The following CDC42BPA variants were observed in gnomAD, a reference collection of about 807,000 sequenced individuals.
The protein encoded by CDC42BPA is CDC42 binding protein kinase alpha, also known as serine/threonine-protein kinase MRCK alpha.
A neutral mutation model predicts 223.5 loss-of-function variants in CDC42BPA; 80 were observed. The observed-to-expected ratio is 0.36, with a 90% CI of 0.30 to 0.43. The LOEUF is 0.43. Ranked by LOEUF, CDC42BPA falls within the 20% of genes least tolerant of loss-of-function variation. The probability of loss-of-function intolerance (pLI) is 1.00; values close to 1 mark genes in which losing one functional copy is unlikely to be tolerated. For synonymous variants in CDC42BPA, 694 were observed against 718.6 expected (o/e 0.97, Z 0.55); for missense variants, 1,743 against 2,099.9 (o/e 0.83, Z 3.32).
At chr1:227,162,859 TAA>T (rs373835414) in intron 5 of CDC42BPA, among the ~76,000 whole-genome samples, 13,218 of 125,256 alleles carry the variant, frequency 0.11, 825 homozygotes, top group Middle Eastern at 0.17. Flanking sequence ...TAAAATAAAA[TAA>T]ATATATATGT....
chr1:227,266,840 TTTAAG>T (rs1311414651), intron 1 of CDC42BPA, among the ~76,000 whole-genome samples: 1 of 152,222 alleles, frequency 6.6e-6, no homozygotes, highest in East Asian at 1.9e-4. Flanking sequence ...AACAAAATAA[TTTAAG>T]TTATGTGACC....
intron 1 of CDC42BPA, among the ~76,000 whole-genome samples, chr1:227,303,007 GTT>G (rs201889285): frequency 1.1e-4 from 15 of 135,008 alleles, no homozygotes; most frequent in East Asian, 2.1e-4. Flanking sequence ...GTTTTTTTGG[GTT>G]TTTTTTTTTT....
intron 32 of CDC42BPA, among the ~76,000 whole-genome samples, chr1:227,021,924 G>T (rs1024770548): frequency 6.6e-6 from 1 of 152,046 alleles, no homozygotes; most frequent in Non-Finnish European, 1.5e-5. Context: ...GGAGGCTGAG[G>T]CAGGAGAATC....
At chr1:226,997,785 T>C (rs1169372041) in intron 35 of CDC42BPA, among the ~76,000 whole-genome samples, 1 of 152,200 alleles carries the variant, frequency 6.6e-6, no homozygotes, top group Non-Finnish European at 1.5e-5. Context: ...TAATCCTGAG[T>C]TCTAATTTGA....
chr1:227,137,547 A>G (rs187159847), intron 10 of CDC42BPA, among the ~76,000 whole-genome samples: 68 of 152,218 alleles, frequency 4.5e-4, no homozygotes, highest in African/African-American at 1.6e-3. Flanking sequence ...GACCACCAAA[A>G]TAAATAGATA....
intron 15 of CDC42BPA, among the ~76,000 whole-genome samples, chr1:227,093,036 C>A (rs4653790): frequency 0.83 from 126,276 of 152,162 alleles, 52,448 homozygotes; most frequent in East Asian, 0.88. Flanking sequence ...TTATCCCTAC[C>A]ATGTCTCCTT....
At position 227,063,795 on chromosome 1, in the gene CDC42BPA, A is replaced by G. The variant is rs16846909; in HGVS notation, c.2904+5982T>C. On this transcript the variant is annotated intron_variant, in intron 21 of 36. Transcript: ENST00000366766. ...TACCAATTCTCACATACAATTGACCATTCCCCCAAGTATCGCTGAAACTAT... is the reference window on the plus strand; with the variant it reads ...TACCAATTCTCACATACAATTGACCGTTCCCCCAAGTATCGCTGAAACTAT... Among the ~76,000 whole-genome samples, 413 of 152,292 alleles carry G rather than the reference A, an allele frequency of 2.7e-3. 12 individuals are homozygous for G. The East Asian group carries it at 0.052, about 19-fold the overall frequency.
rs1174191589 is a variant in CDC42BPA at position 227,276,143 on chromosome 1, G to A, written c.179-21988C>T. Reference sequence around the variant, plus strand: ...AGCGCCTCTTCCCGGCCGCCATCACGTCTAGGAAGTGAGGAGCGTCTCTGC... The same window carrying A: ...AGCGCCTCTTCCCGGCCGCCATCACATCTAGGAAGTGAGGAGCGTCTCTGC... On this transcript the variant is annotated intron_variant, in intron 1 of 36. Transcript: ENST00000366766. Among the ~76,000 whole-genome samples the A allele has an allele frequency of 6.6e-5, 10 of 150,772 alleles. No individual in the cohort carries two copies. In the South Asian group the frequency reaches 1.7e-3, roughly 25 times the overall value.
chr1:227,221,971 T>A (rs1037154694), intron 2 of CDC42BPA, among the ~76,000 whole-genome samples: 2 of 149,762 alleles, frequency 1.3e-5, no homozygotes, highest in Non-Finnish European at 3.0e-5. Flanking sequence ...TCTCAGCACT[T>A]TGGGAGGCTG....
At chr1:227,241,833 A>C (rs1010327702) in intron 2 of CDC42BPA, among the ~76,000 whole-genome samples, 15 of 152,264 alleles carry the variant, frequency 9.9e-5, no homozygotes, top group African/African-American at 3.4e-4. Context: ...ACAAACAACA[A>C]AAAGATTTTG....
chr1:227,179,480 CA>C (rs1255305215), intron 5 of CDC42BPA, among the ~76,000 whole-genome samples: 1 of 150,952 alleles, frequency 6.6e-6, no homozygotes, highest in East Asian at 2.0e-4. Flanking sequence ...ACTAAAAATA[CA>C]AAAAATTAGC....
At chr1:227,088,223 AAGGGTACACCTT>A (rs1682361539) in intron 16 of CDC42BPA, among the ~76,000 whole-genome samples, 2 of 152,222 alleles carry the variant, frequency 1.3e-5, no homozygotes, top group African/African-American at 4.8e-5. Flanking sequence ...GCAAGAACAA[AAGGGTACACCTT>A]AGAGAGTTAT....
chr1:227,070,600 T>TTATCAGGTAAGGCAGTATGTTC (rs1678096762), intron 20 of CDC42BPA, among the ~76,000 whole-genome samples: 1 of 151,872 alleles, frequency 6.6e-6, no homozygotes, highest in Non-Finnish European at 1.5e-5. Context: ...TATAACACAG[T>TTATCAGGTAAGGCAGTATGTTC]TATCAGGTAA....
intron 21 of CDC42BPA, 52 bp from the exon 22 acceptor site, chr1:227,052,037 A>C: frequency 8.9e-7 from 1 of 1,125,930 alleles, no homozygotes. Flanking sequence ...CTTTTCAACA[A>C]TGTGCAGGCT....
At chr1:226,998,481 A>C (rs1216018903) in intron 35 of CDC42BPA, among the ~76,000 whole-genome samples, 1 of 152,212 alleles carries the variant, frequency 6.6e-6, no homozygotes, top group African/African-American at 2.4e-5. Context: ...AGGCCTCAGA[A>C]GTAATGCCAC....
chr1:227,000,505 G>T (rs937569241), intron 35 of CDC42BPA, among the ~76,000 whole-genome samples: 4 of 152,132 alleles, frequency 2.6e-5, no homozygotes, highest in African/African-American at 7.2e-5. Flanking sequence ...GTGACCTTAA[G>T]CAAGTTATTT....
intron 5 of CDC42BPA, among the ~76,000 whole-genome samples, chr1:227,191,165 G>C (rs1669636605): frequency 6.6e-6 from 1 of 151,996 alleles, no homozygotes; most frequent in African/African-American, 2.4e-5. Context: ...CCAACATGGA[G>C]AAAACCCACC....
At chr1:227,177,883 T>G (rs1667240612) in intron 5 of CDC42BPA, among the ~76,000 whole-genome samples, 1 of 152,206 alleles carries the variant, frequency 6.6e-6, no homozygotes, top group African/African-American at 2.4e-5. Flanking sequence ...ATATCCAAAT[T>G]GAATTTGAAT....
At chr1:226,995,367 G>C (rs1326347817) in intron 35 of CDC42BPA, among the ~76,000 whole-genome samples, 1 of 152,164 alleles carries the variant, frequency 6.6e-6, no homozygotes, top group African/African-American at 2.4e-5. Flanking sequence ...CATTTATGAA[G>C]TCATGTTATC....
Sources: gnomAD v4.1 joint callset for allele counts (sites outside exome capture counted in the v4.1 genomes callset) on GRCh38, gnomAD v4.1.1 for gene constraint, MANE v1.5 for transcripts, NCBI Gene and HGNC (gene_info 2026-07-23, HGNC 2026-07-21) for gene names.